FBXO34: variants seen among roughly 807,000 people sequenced by gnomAD.
FBXO34 encodes F-box protein 34, also known as F-box only protein 34.
Under a neutral mutation model 24.5 loss-of-function variants are expected in FBXO34, and 12 were observed. The ratio of observed to expected loss-of-function variants is 0.49; its 90% CI spans 0.31 to 0.79. The LOEUF (loss-of-function observed/expected upper bound fraction) is 0.79, where lower values mean the gene tolerates loss of function less well. Ranked by LOEUF, FBXO34 falls within the 30% of genes least tolerant of loss-of-function variation. The pLI is 0.04. For synonymous variants in FBXO34, 320 were observed against 311.9 expected (o/e 1.03, Z -0.27); for missense variants, 823 against 857.7 (o/e 0.96, Z 0.51).
downstream of FBXO34, among the ~76,000 whole-genome samples, chr14:55,353,922 C>T (rs1884478164): frequency 6.6e-6 from 1 of 152,182 alleles, no homozygotes; most frequent in Non-Finnish European, 1.5e-5. Context: ...CCTGTAGCTG[C>T]TTAGTGCTTG....
At chr14:55,271,949 G>C (rs1881162012) in intron 1 of FBXO34, 1 of 152,318 alleles carries the variant, frequency 6.6e-6, no homozygotes, top group Non-Finnish European at 1.5e-5. Flanking sequence ...CGCCCTCCCG[G>C]GCTCGGCCAC....
the FBXO34 span, among the ~76,000 whole-genome samples, chr14:55,384,799 C>A: frequency 6.6e-6 from 1 of 152,220 alleles, no homozygotes. Context: ...TCAATTAGAG[C>A]AGCCTGGTGG....
chr14:55,381,336 T>C, the FBXO34 span, among the ~76,000 whole-genome samples: 5 of 152,222 alleles, frequency 3.3e-5, no homozygotes, highest in African/African-American at 7.2e-5. Context: ...GGTTTTCCCA[T>C]TGGGGCCTTT....
At chr14:55,333,149 T>C (rs1883657311) in intron 1 of FBXO34, among the ~76,000 whole-genome samples, 2 of 152,180 alleles carry the variant, frequency 1.3e-5, no homozygotes, top group Admixed American at 6.5e-5. Flanking sequence ...AAGACACAAA[T>C]CCCAGCAGTC....
intron 1 of FBXO34, among the ~76,000 whole-genome samples, chr14:55,312,413 C>G (rs971819821): frequency 2.0e-5 from 3 of 152,096 alleles, no homozygotes; most frequent in African/African-American, 7.2e-5. Flanking sequence ...GTCAGTGGCC[C>G]TACCATTCTG....
downstream of FBXO34, among the ~76,000 whole-genome samples, chr14:55,371,677 A>G (rs866444519): frequency 6.6e-6 from 1 of 152,096 alleles, no homozygotes; most frequent in Admixed American, 6.5e-5. Context: ...GATGGCGGGC[A>G]CCTGTAGTCC....
the FBXO34 span, among the ~76,000 whole-genome samples, chr14:55,429,766 C>CAAAAAAAAAAAAAAAAAAAAA: frequency 5.9e-4 from 31 of 52,336 alleles, no homozygotes; most frequent in Middle Eastern, 0.016. Context: ...AACTCCGTCT[C>CAAAAAAAAAAAAAAAAAAAAA]AAAAAAAAAA....
At chr14:55,278,590 T>C (rs1007285237) in intron 1 of FBXO34, among the ~76,000 whole-genome samples, 4 of 152,218 alleles carry the variant, frequency 2.6e-5, no homozygotes, top group African/African-American at 9.7e-5. Context: ...TACAACCTCA[T>C]GCTATCAAGT....
the FBXO34 span, among the ~76,000 whole-genome samples, chr14:55,404,810 T>C: frequency 6.6e-6 from 1 of 152,146 alleles, no homozygotes; most frequent in Non-Finnish European, 1.5e-5. Context: ...AGTATAAAAA[T>C]ATAGTTCAGA....
intron 1 of FBXO34, among the ~76,000 whole-genome samples, chr14:55,314,380 C>G (rs923779210): frequency 6.6e-6 from 1 of 152,144 alleles, no homozygotes; most frequent in Non-Finnish European, 1.5e-5. Flanking sequence ...CAGGGGGAAA[C>G]CTAATGTGAG....
the FBXO34 span, among the ~76,000 whole-genome samples, chr14:55,400,234 T>TTTTTCAATACA: frequency 6.6e-6 from 1 of 152,172 alleles, no homozygotes; most frequent in Non-Finnish European, 1.5e-5. Context: ...CACAAGTCTG[T>TTTTTCAATACA]GCTTTCTCAA....
At chr14:55,395,743 C>G in the FBXO34 span, among the ~76,000 whole-genome samples, 1 of 152,158 alleles carries the variant, frequency 6.6e-6, no homozygotes, top group Non-Finnish European at 1.5e-5. Context: ...TTATCCTTTA[C>G]AATGGCTCCA....
At chr14:55,375,112 A>G in the FBXO34 span, among the ~76,000 whole-genome samples, 1 of 152,162 alleles carries the variant, frequency 6.6e-6, no homozygotes, top group African/African-American at 2.4e-5. Flanking sequence ...GCTTTCTTTC[A>G]GCTCCACTCC....
chr14:55,338,154 A>G (rs1393374935), intron 1 of FBXO34, among the ~76,000 whole-genome samples: 1 of 148,214 alleles, frequency 6.7e-6, no homozygotes, highest in Non-Finnish European at 1.5e-5. Flanking sequence ...GATTCAAGCA[A>G]TTCTCCTGCC....
downstream of FBXO34, among the ~76,000 whole-genome samples, chr14:55,356,568 C>T (rs1284940404): frequency 5.3e-5 from 8 of 152,164 alleles, no homozygotes; most frequent in South Asian, 4.1e-4. Context: ...CTGCCTTAGC[C>T]TCCCGAGTAG....
chr14:55,351,629 G>A lies in FBXO34; in HGVS notation c.1239G>A (p.Gly413=), dbSNP rs752861940. ...TGGAAATGACAGATGAACTCGTTGG[G>A]TTACCTTTTTCCTCTCATACCTATT... ...YDVEMTDELV[G]LPFSSHTYSQ... Residue 413 remains glycine, a synonymous_variant, in exon 2 of 2, where the codon GGG becomes GGA. Transcript: ENST00000313833. The A allele has an allele frequency of 3.1e-6, 5 of 1,614,150 alleles. No homozygotes were observed. The highest frequency in any genetic ancestry group is 3.4e-6 in the Non-Finnish European group (4 of 1,180,018).
downstream of FBXO34, chr14:55,366,833 C>G (rs557171568): frequency 2.0e-5 from 3 of 152,650 alleles, no homozygotes; most frequent in African/African-American, 7.2e-5. Flanking sequence ...ACATATGGTT[C>G]TGGCACCTAC....
chr14:55,318,302 G>A (rs1187563657), intron 1 of FBXO34: 3 of 118,944 alleles, frequency 2.5e-5, no homozygotes, highest in African/African-American at 9.8e-5. Context: ...GTTCTAAATA[G>A]GCATAGCCAA....
the FBXO34 span, among the ~76,000 whole-genome samples, chr14:55,383,095 C>G: frequency 6.6e-6 from 1 of 152,198 alleles, no homozygotes; most frequent in East Asian, 1.9e-4. Flanking sequence ...CTCAGTCTCT[C>G]AAGTGCTTTT....
Sources: allele counts gnomAD v4.1 joint callset (sites outside exome capture counted in the v4.1 genomes callset), GRCh38; gene constraint gnomAD v4.1.1; transcripts MANE v1.5; gene names NCBI Gene and HGNC (gene_info 2026-07-23, HGNC 2026-07-21).